Variants in SYNC observed in about 807,000 individuals in gnomAD.
SYNC encodes syncoilin, intermediate filament protein.
Under a neutral mutation model 49.5 loss-of-function variants are expected in SYNC, and 38 were observed. That is an observed-to-expected ratio of 0.77 (90% CI 0.59 to 1.01). SYNC has a LOEUF of 1.01. Among genes scored for constraint, SYNC ranks in the 50% least tolerant of loss-of-function variants. The pLI, the probability that SYNC is intolerant of heterozygous loss-of-function variation, is 0.00. For synonymous variants in SYNC, 201 were observed against 230.8 expected (o/e 0.87, Z 1.17); for missense variants, 579 against 580.6 (o/e 1.00, Z 0.03).
chr1:32,687,333 C>T (rs1300631490), intron 2 of SYNC, among the ~76,000 whole-genome samples: 1 of 146,604 alleles, frequency 6.8e-6, no homozygotes, highest in African/African-American at 2.5e-5. Context: ...TGCACTCCAG[C>T]CTGGGGGACA....
intron 2 of SYNC, among the ~76,000 whole-genome samples, chr1:32,686,422 C>G (rs1177744302): frequency 6.6e-6 from 1 of 152,192 alleles, no homozygotes; most frequent in Non-Finnish European, 1.5e-5. Context: ...ACATGTCTGT[C>G]TACAGTTGCC....
intron 2 of SYNC, among the ~76,000 whole-genome samples, chr1:32,688,443 C>G (rs1392301662): frequency 1.3e-5 from 2 of 152,100 alleles, no homozygotes; most frequent in African/African-American, 4.8e-5. Context: ...CAGGACAGTG[C>G]CTTATCACTA....
At chr1:32,683,629 G>A (rs555822465) in intron 4 of SYNC, 10 of 159,414 alleles carry the variant, frequency 6.3e-5, no homozygotes, top group African/African-American at 2.4e-4. Context: ...TGTTGTTTTT[G>A]TTTTTTGGGT....
intron 1 of SYNC, among the ~76,000 whole-genome samples, chr1:32,700,890 A>G (rs1049120120): frequency 5.3e-5 from 8 of 151,990 alleles, no homozygotes; most frequent in Non-Finnish European, 1.2e-4. Flanking sequence ...GCACATATAA[A>G]AAGCCTGGCA....
Position 32,679,944 on chromosome 1 carries a change from C to T in SYNC, c.*1906G>A. ...TCAGGAATTTTCTAGTAACCCAGGT[C>T]TAAAGTAGCTACAGAAAGGGGAATA... is the stretch of plus-strand genomic sequence containing the variant. On this transcript the variant is annotated 3_prime_UTR_variant, in exon 5 of 5. Transcript: ENST00000409190. 7.8e-7 allele frequency: 1 copy of T among 1,282,000 alleles called. No individual in the cohort carries two copies. The highest frequency in any genetic ancestry group is 9.8e-7 in the Non-Finnish European group (1 of 1,017,042). 79.4% of individuals were successfully genotyped at this position (1,282,000 alleles called of 1,614,324 possible). A position where few individuals can be genotyped will look rare whatever the true frequency, so the allele number is the denominator to read the frequency against.
At chr1:32,685,281 A>AT (rs1317453295) in intron 2 of SYNC, 2 of 152,192 alleles carry the variant, frequency 1.3e-5, no homozygotes, top group Admixed American at 6.5e-5. Flanking sequence ...GCTGGGATGC[A>AT]TTCTGTAAAT....
intron 1 of SYNC, among the ~76,000 whole-genome samples, chr1:32,700,919 C>T (rs1468079830): frequency 6.9e-6 from 1 of 145,656 alleles, no homozygotes; most frequent in African/African-American, 2.5e-5. Flanking sequence ...TCACAATATA[C>T]TTTTTTTTTT....
chr1:32,684,796 A>G, intron 2 of SYNC: 1 of 157,082 alleles, frequency 6.4e-6, no homozygotes, highest in Non-Finnish European at 1.4e-5. Context: ...GAAATACAAA[A>G]GTGTGGCAAC....
At chr1:32,699,636 AAC>A (rs113008326) in intron 1 of SYNC, among the ~76,000 whole-genome samples, 5,136 of 152,058 alleles carry the variant, frequency 0.034, 231 homozygotes, top group African/African-American at 0.1. Context: ...AACTTGCTAC[AAC>A]ACAGAGTGAA....
At position 32,681,731 on chromosome 1, in the gene SYNC, T is replaced by C. The variant is rs868046371; in HGVS notation, c.*119A>G. ...GTATTTGCAACTTCCACAGGATGAA[T>C]TGCTTGCCAAGTTTCTGGCACTCTT... On this transcript the variant is annotated 3_prime_UTR_variant, in exon 5 of 5. Transcript: ENST00000409190. The C allele has an allele frequency of 9.7e-6, 15 of 1,548,994 alleles. No homozygotes were observed. The highest frequency in any genetic ancestry group is 9.0e-5 in the South Asian group (8 of 88,446).
chr1:32,684,443 C>G (rs188459947), intron 2 of SYNC, 61 bp from the exon 3 acceptor site: 3 of 1,607,910 alleles, frequency 1.9e-6, no homozygotes, highest in Admixed American at 1.7e-5. Flanking sequence ...ACATTGTCCA[C>G]TCTTACTTAT....
Position 32,702,620 on chromosome 1 carries a change from G to A in SYNC, c.41C>T (p.Ala14Val). The A allele has an allele frequency of 8.2e-7, 1 of 1,222,392 alleles. No individual in the cohort carries two copies. The highest frequency in any genetic ancestry group is 1.0e-6 in the Non-Finnish European group (1 of 982,002). 75.7% of individuals were successfully genotyped at this position (1,222,392 alleles called of 1,614,324 possible). ...GGCACTGTCCTACCTCGCGGCCTGG[G>A]CGGCGCCGTCCCCGCCGCGCCGGGG... ...PEPRRGGDGA[A>V]QAARKTRVEA... The change falls in exon 1 of 5, where the codon GCC becomes GTC. Residue 14 changes from alanine (A) to valine (V), a missense_variant. Physicochemically the swap from Ala to Val is moderately conservative, Grantham distance 64. Transcript: ENST00000409190. This position sits in a 1 kb window ranked among gnomAD's most constrained non-coding sequence, Gnocchi z 6.2.
At chr1:32,689,034 G>C (rs1650030713) in intron 2 of SYNC, among the ~76,000 whole-genome samples, 1 of 151,592 alleles carries the variant, frequency 6.6e-6, no homozygotes, top group African/African-American at 2.4e-5. Flanking sequence ...TGCCTCCCGG[G>C]TTCAAGCAAT....
At chr1:32,686,998 A>G (rs577354486) in intron 2 of SYNC, among the ~76,000 whole-genome samples, 2 of 152,320 alleles carry the variant, frequency 1.3e-5, no homozygotes, top group African/African-American at 4.8e-5. Flanking sequence ...TTCTATGTAA[A>G]ATTATCTGGG....
In SYNC at chr1:32,680,524, A is replaced by G; in HGVS notation, c.*1326T>C. 1 of 1,465,000 alleles carries G rather than the reference A, an allele frequency of 6.8e-7. No individual in the cohort carries two copies. Among genetic ancestry groups the G allele is most frequent in the Non-Finnish European group, 9.2e-7 (1 of 1,091,934 alleles). 90.8% of individuals were successfully genotyped at this position (1,465,000 alleles called of 1,614,324 possible). A position where few individuals can be genotyped will look rare whatever the true frequency, so the allele number is the denominator to read the frequency against. Reference sequence around the variant, plus strand: ...TTGATAAGAGTTGCTTTTTTTTTTTAGGAGTTAGTCCTTGACCACTAGTTT... The same window carrying G: ...TTGATAAGAGTTGCTTTTTTTTTTTGGGAGTTAGTCCTTGACCACTAGTTT... On this transcript the variant is annotated 3_prime_UTR_variant, in exon 5 of 5. Transcript: ENST00000409190.
chr1:32,697,406 CCAGCCTGGGCAACAA>C (rs1158092982), intron 1 of SYNC, among the ~76,000 whole-genome samples: 9 of 150,880 alleles, frequency 6.0e-5, no homozygotes, highest in Non-Finnish European at 1.2e-4. Context: ...CCATTGCACT[CCAGCCTGGGCAACAA>C]CAGCGAAACT....
chr1:32,681,960 A>G, intron 4 of SYNC, 100 bp from the exon 5 acceptor site: 1 of 1,088,452 alleles, frequency 9.2e-7, no homozygotes, highest in Middle Eastern at 2.3e-4. Flanking sequence ...TTTATGGATG[A>G]TCAGGGATGA....
Position 32,695,374 on chromosome 1 carries a change from C to G in SYNC, c.724G>C (p.Val242Leu). Residue 242 changes from valine (V) to leucine (L), a missense_variant, in exon 2 of 5, where the codon GTC becomes CTC. Physicochemically the swap from Val to Leu is conservative, Grantham distance 32. Transcript: ENST00000409190. ...RDGLREEIRLVKQKLFKVTKE... is the reference protein window; with the variant it reads ...RDGLREEIRLLKQKLFKVTKE... ...GTCACTTTGAAAAGCTTCTGCTTGA[C>G]CAGCCGGATCTCCTCCCTTAGGCCA... 6.4e-7 allele frequency: 1 copy of G among 1,551,758 alleles called. No individual in the cohort carries two copies. The highest frequency in any genetic ancestry group is 8.7e-7 in the Non-Finnish European group (1 of 1,147,100).
At chr1:32,686,788 G>A (rs1649860994) in intron 2 of SYNC, among the ~76,000 whole-genome samples, 1 of 147,676 alleles carries the variant, frequency 6.8e-6, no homozygotes, top group Admixed American at 6.8e-5. Context: ...GAGCCACAGA[G>A]CTTAAGTAAT....
Sources: gnomAD v4.1 joint callset for allele counts (sites outside exome capture counted in the v4.1 genomes callset) on GRCh38, gnomAD v4.1.1 for gene constraint, Gnocchi (gnomAD v3.1) non-coding constraint, MANE v1.5 for transcripts, NCBI Gene and HGNC (gene_info 2026-07-23, HGNC 2026-07-21) for gene names.